OSBPL9: variants seen among roughly 807,000 people sequenced by gnomAD.
The protein encoded by OSBPL9 is oxysterol-binding protein-related protein 9.
A neutral mutation model predicts 106.6 loss-of-function variants in OSBPL9; 40 were observed. The ratio of observed to expected loss-of-function variants is 0.38; its 90% CI spans 0.29 to 0.49. The LOEUF (loss-of-function observed/expected upper bound fraction) is 0.49, where lower values mean the gene tolerates loss of function less well. Among genes scored for constraint, OSBPL9 ranks in the 20% least tolerant of loss-of-function variants. The pLI, the probability that OSBPL9 is intolerant of heterozygous loss-of-function variation, is 0.97. For missense variants in OSBPL9, 609 were observed against 887.2 expected (o/e 0.69, Z 3.98); for synonymous variants, 269 against 295.4 (o/e 0.91, Z 0.92).
At chr1:51,537,537 C>T in the OSBPL9 span, among the ~76,000 whole-genome samples, 1 of 152,060 alleles carries the variant, frequency 6.6e-6, no homozygotes, top group Non-Finnish European at 1.5e-5. Flanking sequence ...AAATAGTAAC[C>T]TAATTTTGTT....
intron 2 of OSBPL9, among the ~76,000 whole-genome samples, chr1:51,663,524 C>T (rs1377899726): frequency 6.6e-6 from 1 of 152,128 alleles, no homozygotes. Flanking sequence ...TTTACTCCAC[C>T]TGATATCCAA....
the OSBPL9 span, among the ~76,000 whole-genome samples, chr1:51,524,912 T>C: frequency 6.6e-6 from 1 of 152,230 alleles, no homozygotes; most frequent in East Asian, 1.9e-4. Context: ...TCAAAGCATT[T>C]TCTCCATAGG....
chr1:51,591,971 C>T (rs1645277324), intron 1 of OSBPL9, among the ~76,000 whole-genome samples: 1 of 152,090 alleles, frequency 6.6e-6, no homozygotes, highest in Non-Finnish European at 1.5e-5. Context: ...CCCCCGTAGC[C>T]AACCCTCCTC....
chr1:51,704,438 A>T (rs913160843), intron 3 of OSBPL9, among the ~76,000 whole-genome samples: 1 of 152,176 alleles, frequency 6.6e-6, no homozygotes, highest in Non-Finnish European at 1.5e-5. Flanking sequence ...AGAGGTGTTT[A>T]TAGTATTCTC....
rs72898010 is a variant in OSBPL9 at position 51,661,794 on chromosome 1, C to T, written c.163-7640C>T. ...ATATAATCAAAAAAATACTCTAAAC[C>T]CAGATAAAGGGAGAGGAAGGATGTC... On this transcript the variant is annotated intron_variant, in intron 2 of 23. Coordinates refer to ENST00000428468, the MANE Select transcript of OSBPL9 (RefSeq NM_024586.6). Among the ~76,000 whole-genome samples, 1,105 of 152,010 alleles carry T rather than the reference C, an allele frequency of 7.3e-3. 11 individuals carry two copies. The highest frequency in any genetic ancestry group is 0.026 in the African/African-American group (1,063 of 41,432).
chr1:51,682,052 A>G (rs1285032836), intron 3 of OSBPL9, among the ~76,000 whole-genome samples: 1 of 152,064 alleles, frequency 6.6e-6, no homozygotes, highest in Admixed American at 6.5e-5. Flanking sequence ...AAATACAAAA[A>G]TTAGCCAGGC....
chr1:51,522,417 G>A, the OSBPL9 span, among the ~76,000 whole-genome samples: 1 of 152,156 alleles, frequency 6.6e-6, no homozygotes, highest in African/African-American at 2.4e-5. Context: ...GACATGTAAT[G>A]GGAGATGGGA....
intron 3 of OSBPL9, among the ~76,000 whole-genome samples, chr1:51,712,196 C>A (rs1365327434): frequency 1.3e-5 from 2 of 152,362 alleles, no homozygotes; most frequent in South Asian, 2.1e-4. Context: ...GGATCACTCG[C>A]GGTTAGGGGC....
chr1:51,749,729 C>T (rs536365791), intron 7 of OSBPL9: 4 of 202,528 alleles, frequency 2.0e-5, no homozygotes, highest in East Asian at 2.3e-4. Context: ...GAGCCAAGCA[C>T]GGTGGCATGT....
intron 1 of OSBPL9, among the ~76,000 whole-genome samples, chr1:51,651,770 T>A (rs573664900): frequency 4.0e-4 from 61 of 152,298 alleles, no homozygotes; most frequent in African/African-American, 1.4e-3. Context: ...ATTAAAGGTA[T>A]GTGTAAAGTT....
chr1:51,680,593 G>A (rs1475125411), intron 3 of OSBPL9, among the ~76,000 whole-genome samples: 6 of 150,838 alleles, frequency 4.0e-5, no homozygotes, highest in Non-Finnish European at 7.4e-5. Flanking sequence ...CTCGGGGGGC[G>A]GAGGTTGCAG....
chr1:51,775,419 C>T (rs1294854004), intron 14 of OSBPL9, among the ~76,000 whole-genome samples: 3 of 151,956 alleles, frequency 2.0e-5, no homozygotes, highest in Non-Finnish European at 4.4e-5. Context: ...CTAGTGCCAC[C>T]TCAATAAATT....
Position 51,788,107 on chromosome 1 carries a change from C to G in OSBPL9, c.*318C>G, listed in dbSNP as rs370527825. The G allele has an allele frequency of 6.0e-6, 2 of 330,788 alleles. No homozygotes were observed. The highest frequency in any genetic ancestry group is 7.8e-5 in the South Asian group (2 of 25,698). 20.5% of individuals were successfully genotyped at this position (330,788 alleles called of 1,614,324 possible). A position where few individuals can be genotyped will look rare whatever the true frequency, so the allele number is the denominator to read the frequency against. The stretch of plus-strand genomic sequence containing the variant: ...AAGTCTGAAACTCTGCGCTCTAGTA[C>G]TGCTGTTAAGATACACAACTTGTTT... On this transcript the variant is annotated 3_prime_UTR_variant, in exon 24 of 24. Transcript: ENST00000428468.
chr1:51,604,291 C>T (rs921543409), intron 2 of OSBPL9, among the ~76,000 whole-genome samples: 1 of 152,174 alleles, frequency 6.6e-6, no homozygotes, highest in African/African-American at 2.4e-5. Context: ...TGCGGTGGCT[C>T]ACGCCTGTAA....
At chr1:51,553,516 C>T in the OSBPL9 span, among the ~76,000 whole-genome samples, 790 of 151,494 alleles carry the variant, frequency 5.2e-3, 8 homozygotes, top group African/African-American at 0.018. Flanking sequence ...CCTGTCTCAA[C>T]GACAACAAAA....
intron 10 of OSBPL9, 37 bp downstream of exon 10, chr1:51,760,817 GA>G: frequency 1.9e-6 from 3 of 1,600,780 alleles, no homozygotes; most frequent in Non-Finnish European, 2.6e-6. Context: ...TCATTGATGA[GA>G]AAAAAATAAT....
chr1:51,668,483 G>A (rs1649058745), intron 2 of OSBPL9, among the ~76,000 whole-genome samples: 1 of 152,082 alleles, frequency 6.6e-6, no homozygotes, highest in Non-Finnish European at 1.5e-5. Context: ...TTAGCCGGGT[G>A]TGGTGGCACA....
chr1:51,616,993 G>A (rs944705601), upstream of OSBPL9: 5 of 1,494,556 alleles, frequency 3.3e-6, no homozygotes, highest in African/African-American at 1.4e-5. Context: ...AGCATCTGCC[G>A]GCACCGCCCA....
chr1:51,733,513 C>T (rs1664941352), intron 4 of OSBPL9, among the ~76,000 whole-genome samples: 2 of 152,228 alleles, frequency 1.3e-5, no homozygotes, highest in South Asian at 2.1e-4. Flanking sequence ...CGGTGGCTCA[C>T]GCTGTAATCC....
Sources: gnomAD v4.1 joint callset for allele counts (sites outside exome capture counted in the v4.1 genomes callset) on GRCh38, gnomAD v4.1.1 for gene constraint, MANE v1.5 for transcripts, NCBI Gene and HGNC (gene_info 2026-07-23, HGNC 2026-07-21) for gene names.